MMS22L: variants seen among roughly 807,000 people sequenced by gnomAD.
MMS22L encodes the protein protein MMS22-like.
Under a neutral mutation model 159.1 loss-of-function variants are expected in MMS22L, and 74 were observed. That is an observed-to-expected ratio of 0.47 (90% confidence interval 0.39 to 0.56). The LOEUF (loss-of-function observed/expected upper bound fraction) is 0.56, where lower values mean the gene tolerates loss of function less well. Among genes scored for constraint, MMS22L ranks in the 20% least tolerant of loss-of-function variants. MMS22L has a pLI of 0.00. For synonymous variants in MMS22L, 517 were observed against 506.9 expected (o/e 1.02, Z -0.27); for missense variants, 1,351 against 1,422.1 (o/e 0.95, Z 0.80).
chr6:97,155,502 C>G (rs1234333951), intron 22 of MMS22L, among the ~76,000 whole-genome samples: 2 of 152,110 alleles, frequency 1.3e-5, no homozygotes, highest in African/African-American at 4.8e-5. Flanking sequence ...TGTGATGTTC[C>G]CCTCCCTGTG....
Position 97,162,137 on chromosome 6 carries a change from A to G in MMS22L, c.3250T>C (p.Ser1084Pro). The G allele has an allele frequency of 6.2e-7, 1 of 1,608,430 alleles. No individual in the cohort carries two copies. The highest frequency in any genetic ancestry group is 8.5e-7 in the Non-Finnish European group (1 of 1,177,978). Residue 1084 changes from serine to proline, a missense_variant, in exon 22 of 25, where the codon TCA becomes CCA. By Grantham distance (74) the Ser-to-Pro change is moderately conservative. Transcript: ENST00000683635. ...ATGGATGCTAAGCGAGGAGGAGGTG[A>G]GGACCCCTTATACTCAAGGTAGGAT... ...RKSYLEYKGS[S>P]PPPRLASILA...
Position 97,186,697 on chromosome 6 carries a change from A to C in MMS22L, c.2040-7T>G. 6.6e-7 allele frequency: 1 copy of C among 1,508,138 alleles called. No individual in the cohort carries two copies. Among genetic ancestry groups the C allele is most frequent in the Non-Finnish European group, 8.9e-7 (1 of 1,126,850 alleles). The allele number at this position is 1,508,138 out of a possible 1,614,324, so 93.4% of individuals were successfully genotyped here. On this transcript the variant is annotated splice_region_variant and splice_polypyrimidine_tract_variant and intron_variant, in intron 14 of 24. Transcript: ENST00000683635. ...CAATTGTTGATGCATACTCCTAAAAAGAAATAAAAATACAGCTAACACCCT... is the reference window on the plus strand; with the variant it reads ...CAATTGTTGATGCATACTCCTAAAACGAAATAAAAATACAGCTAACACCCT...
At position 97,168,109 on chromosome 6, in the gene MMS22L, A is replaced by G; in HGVS notation, c.2971T>C (p.Leu991=). 1.9e-6 allele frequency: 3 copies of G among 1,612,890 alleles called. No individual in the cohort carries two copies. The highest frequency in any genetic ancestry group is 1.7e-5 in the Admixed American group (1 of 59,904). ...QQEKELPAPM[L]SAIQKSLPLY... Reference sequence around the variant, plus strand: ...GGAAGACTTTTCTGAATTGCTGACAACATAGGTGCAGGCAGTTCCTTCTCT... The same window carrying G: ...GGAAGACTTTTCTGAATTGCTGACAGCATAGGTGCAGGCAGTTCCTTCTCT... Residue 991 remains leucine, a synonymous_variant, in exon 20 of 25, where the codon TTG becomes CTG. Transcript: ENST00000683635.
intron 9 of MMS22L, among the ~76,000 whole-genome samples, chr6:97,255,744 T>A (rs940844428): frequency 6.8e-6 from 1 of 146,388 alleles, no homozygotes; most frequent in East Asian, 1.9e-4. Context: ...TAGAAATATA[T>A]TTCATTATTT....
At chr6:97,230,248 C>A (rs1234364612) in intron 13 of MMS22L, 1 of 151,520 alleles carries the variant, frequency 6.6e-6, no homozygotes, top group African/African-American at 2.4e-5. Context: ...AGGCACGCAC[C>A]ACCACGCTTG....
intron 14 of MMS22L, among the ~76,000 whole-genome samples, chr6:97,216,854 C>T (rs9374430): frequency 0.033 from 5,076 of 152,236 alleles, 141 homozygotes; most frequent in Non-Finnish European, 0.044. Context: ...TGATTTATTG[C>T]CATTTGCTAA....
intron 10 of MMS22L, among the ~76,000 whole-genome samples, chr6:97,251,194 A>G (rs1442944188): frequency 6.6e-6 from 1 of 152,168 alleles, no homozygotes; most frequent in African/African-American, 2.4e-5. Context: ...GCAAAATGGA[A>G]CACATGGTTA....
At chr6:97,207,657 C>T (rs1807924490) in intron 14 of MMS22L, among the ~76,000 whole-genome samples, 1 of 152,110 alleles carries the variant, frequency 6.6e-6, no homozygotes, top group African/African-American at 2.4e-5. Context: ...CCAAGCACTG[C>T]ACTAAGGCTT....
At chr6:97,153,497 G>A (rs760605790) in intron 22 of MMS22L, among the ~76,000 whole-genome samples, 1 of 147,786 alleles carries the variant, frequency 6.8e-6, no homozygotes, top group Non-Finnish European at 1.5e-5. Context: ...TCAGCCTCCC[G>A]AGTAACTGGG....
intron 22 of MMS22L, among the ~76,000 whole-genome samples, chr6:97,159,186 T>C (rs1802172162): frequency 1.3e-5 from 2 of 152,032 alleles, no homozygotes; most frequent in African/African-American, 2.4e-5. Flanking sequence ...TCCCTTTATT[T>C]TGAGCCTTTG....
At chr6:97,180,395 T>C (rs1386830990) in intron 16 of MMS22L, among the ~76,000 whole-genome samples, 1 of 152,192 alleles carries the variant, frequency 6.6e-6, no homozygotes, top group East Asian at 1.9e-4. Context: ...GCCACCGTGC[T>C]TGGCCACTAA....
intron 9 of MMS22L, chr6:97,259,121 C>T (rs151240344): frequency 2.0e-5 from 3 of 152,168 alleles, no homozygotes; most frequent in African/African-American, 7.2e-5. Flanking sequence ...TATACACACA[C>T]ACACATTGCC....
chr6:97,221,370 T>C (rs1809628108), intron 14 of MMS22L, among the ~76,000 whole-genome samples: 1 of 152,068 alleles, frequency 6.6e-6, no homozygotes, highest in Non-Finnish European at 1.5e-5. Flanking sequence ...ACTGAGGAGA[T>C]AATCTATGTT....
At chr6:97,158,675 A>G (rs964105799) in intron 22 of MMS22L, among the ~76,000 whole-genome samples, 3 of 152,070 alleles carry the variant, frequency 2.0e-5, no homozygotes, top group Admixed American at 6.6e-5. Flanking sequence ...GGTCTGAGAG[A>G]TAGTTTGTTG....
Position 97,143,672 on chromosome 6 carries a change from A to G in MMS22L, c.*3134T>C, listed in dbSNP as rs1287973594. The G allele has an allele frequency of 3.9e-5, 6 of 152,350 alleles. 1 individual carries two copies. The highest frequency in any genetic ancestry group is 1.4e-4 in the African/African-American group (6 of 41,590). 9.4% of individuals were successfully genotyped at this position (152,350 alleles called of 1,614,324 possible). A position where few individuals can be genotyped will look rare whatever the true frequency, so the allele number is the denominator to read the frequency against. On this transcript the variant is annotated 3_prime_UTR_variant, in exon 25 of 25. Coordinates refer to ENST00000683635, the MANE Select transcript of MMS22L (RefSeq NM_001350599.2). ...GTAATCAACTGAAAGTGGGAGAAAC[A>G]TGAAGAACCTAAAATGCCTCTGACA...
intron 11 of MMS22L, among the ~76,000 whole-genome samples, chr6:97,240,791 T>C (rs1446534632): frequency 6.6e-6 from 1 of 151,816 alleles, no homozygotes; most frequent in African/African-American, 2.4e-5. Flanking sequence ...CACACCCGGC[T>C]AACTTTTGTA....
intron 12 of MMS22L, among the ~76,000 whole-genome samples, chr6:97,231,991 A>G (rs1810923060): frequency 6.6e-6 from 1 of 152,124 alleles, no homozygotes; most frequent in Admixed American, 6.5e-5. Flanking sequence ...ACTTGTTTTT[A>G]ATATCAGGTC....
chr6:97,149,140 G>A (rs1464261597), intron 24 of MMS22L, among the ~76,000 whole-genome samples: 1 of 152,054 alleles, frequency 6.6e-6, no homozygotes, highest in Non-Finnish European at 1.5e-5. Flanking sequence ...TCTATTTGAT[G>A]TTCACAAATG....
chr6:97,262,059 T>C (rs1814533877), intron 9 of MMS22L: 1 of 152,202 alleles, frequency 6.6e-6, no homozygotes, highest in African/African-American at 2.4e-5. Flanking sequence ...TCCTTACAAA[T>C]CTAGTTGAGT....
Sources: allele counts gnomAD v4.1 joint callset (sites outside exome capture counted in the v4.1 genomes callset), GRCh38; gene constraint gnomAD v4.1.1; transcripts MANE v1.5; gene names NCBI Gene and HGNC (gene_info 2026-07-23, HGNC 2026-07-21).